Variants in ANKRD17 observed in about 807,000 individuals in gnomAD.
The protein encoded by ANKRD17 is ankyrin repeat domain 17, also known as ankyrin repeat domain-containing protein 17.
ANKRD17 carries 19 observed loss-of-function variants against 229.7 expected under a neutral mutation model. The ratio of observed to expected loss-of-function variants is 0.08; its 90% CI spans 0.06 to 0.12. ANKRD17 has a LOEUF of 0.12. ANKRD17 is among the 10% of genes least tolerant of loss of function. The probability of loss-of-function intolerance (pLI) is 1.00; values close to 1 mark genes in which losing one functional copy is unlikely to be tolerated. For synonymous variants in ANKRD17, 1,112 were observed against 1,146.1 expected, an observed-to-expected ratio of 0.97 and a Z score of 0.60; for missense variants, 2,176 against 3,176.8, an observed-to-expected ratio of 0.68 and a Z score of 7.57.
At chr4:73,129,257 A>G (rs1341553644) in intron 16 of ANKRD17, among the ~76,000 whole-genome samples, 2 of 152,204 alleles carry the variant, frequency 1.3e-5, no homozygotes, top group Non-Finnish European at 2.9e-5. Flanking sequence ...ATGATAAAAA[A>G]TATATTTAAT....
rs1045129750 is a variant in ANKRD17, at chr4:73,089,353, A to T, written c.6961+1314T>A. ...GCCAAGCCTATTCTTAAAAAAAAAA[A>T]TTTTTTTTTAAACATTTAAGAAATG... On this transcript the variant is annotated intron_variant, in intron 29 of 33. Transcript: ENST00000358602. Among the ~76,000 whole-genome samples the T allele has an allele frequency of 8.6e-5, 13 of 150,980 alleles. 1 individual carries two copies. Among genetic ancestry groups the T allele is most frequent in the Admixed American group, 2.0e-4 (3 of 15,186 alleles).
At chr4:73,145,135 C>T (rs180805055) in intron 10 of ANKRD17, among the ~76,000 whole-genome samples, 1 of 152,160 alleles carries the variant, frequency 6.6e-6, no homozygotes, top group East Asian at 1.9e-4. Context: ...GTAATTTGTC[C>T]TTCTCTCTAC....
intron 1 of ANKRD17, among the ~76,000 whole-genome samples, chr4:73,257,443 G>A (rs539009799): frequency 1.1e-4 from 17 of 152,262 alleles, no homozygotes; most frequent in African/African-American, 4.1e-4. Context: ...ACCACAACCA[G>A]GCCTGGCTCC....
chr4:73,149,206 T>C (rs1730671373), intron 7 of ANKRD17, among the ~76,000 whole-genome samples, 156 bp from the exon 8 acceptor site: 1 of 152,200 alleles, frequency 6.6e-6, no homozygotes, highest in African/African-American at 2.4e-5. Context: ...GTATTTATTA[T>C]GCACTGCCTA....
At chr4:73,179,468 G>A (rs552907326) in intron 1 of ANKRD17, among the ~76,000 whole-genome samples, 10 of 25,788 alleles carry the variant, frequency 3.9e-4, no homozygotes, top group Admixed American at 1.9e-3. Flanking sequence ...ATGTATATAT[G>A]TGTGTGTGTG....
At position 73,076,848 on chromosome 4, in the gene ANKRD17, C is replaced by T. The variant is rs1204127095; in HGVS notation, c.7752+92G>A. The T allele has an allele frequency of 2.1e-6, 3 of 1,421,700 alleles. No homozygotes were observed. The African/African-American group carries it at 4.3e-5, about 20-fold the overall frequency. 88.1% of individuals were successfully genotyped at this position (1,421,700 alleles called of 1,614,324 possible). On this transcript the variant is annotated intron_variant, in intron 33 of 33. Coordinates refer to ENST00000358602, the MANE Select transcript of ANKRD17 (RefSeq NM_032217.5). ...TCCTCAACTGCCCATATTCACCAAA[C>T]TCTCTTGCTATCATGAGTTACCTGA...
chr4:73,152,169 C>G (rs1731078502), intron 6 of ANKRD17, among the ~76,000 whole-genome samples: 1 of 151,962 alleles, frequency 6.6e-6, no homozygotes, highest in African/African-American at 2.4e-5. Flanking sequence ...ACTTCAGATC[C>G]TATGCAAAAA....
chr4:73,223,161 G>A, intron 1 of ANKRD17: 1 of 866,642 alleles, frequency 1.2e-6, no homozygotes, highest in Non-Finnish European at 1.7e-6. Context: ...CTGTTCACTA[G>A]CCAGGCATCT....
In ANKRD17 at chr4:73,252,594, G is replaced by T. The variant is rs557402000; in HGVS notation, c.393+5682C>A. Among the ~76,000 whole-genome samples, 83 of 152,194 alleles carry T rather than the reference G, an allele frequency of 5.5e-4. 1 individual carries two copies. The South Asian group carries it at 0.016, about 29-fold the overall frequency. On this transcript the variant is annotated intron_variant, in intron 1 of 33. Coordinates refer to ENST00000358602, the MANE Select transcript of ANKRD17 (RefSeq NM_032217.5). ...AAGGAAGAAAAATAAAGCCTTATAA[G>T]CACCTTCAACAAAATCTTTTGTTTA... is the stretch of plus-strand genomic sequence containing the variant.
At chr4:73,244,709 C>G (rs1002424758) in intron 1 of ANKRD17, among the ~76,000 whole-genome samples, 1 of 152,092 alleles carries the variant, frequency 6.6e-6, no homozygotes, top group Non-Finnish European at 1.5e-5. Context: ...CATCCTATAC[C>G]TTAACTAATA....
Position 73,258,661 on chromosome 4 carries a change from T to G in ANKRD17, c.8A>C (p.Lys3Thr), listed in dbSNP as rs938434560. 6.8e-7 allele frequency: 1 copy of G among 1,479,014 alleles called. No homozygotes were observed. 91.6% of individuals were successfully genotyped at this position (1,479,014 alleles called of 1,614,324 possible). ...CGCCGCCGCCACCGGAACCGTCGCC[T>G]TCTCCATCCCCAGGGAAAGAGGGAG... is the stretch of plus-strand genomic sequence containing the variant. ME[K>T]ATVPVAAATA... Residue 3 changes from lysine to threonine, a missense_variant, in exon 1 of 34, where the codon AAG (lysine) becomes ACG (threonine). By Grantham distance (78) the Lys-to-Thr change is moderately conservative (BLOSUM62 -1). This residue lies in a region of ANKRD17 where 196 missense variants were observed against 190.0 expected (regional missense o/e 1.03). Coordinates refer to ENST00000358602, the MANE Select transcript of ANKRD17 (RefSeq NM_032217.5).
intron 7 of ANKRD17, among the ~76,000 whole-genome samples, chr4:73,150,794 C>A (rs956227638): frequency 6.6e-6 from 1 of 152,162 alleles, no homozygotes; most frequent in Non-Finnish European, 1.5e-5. Flanking sequence ...CATAAATAAA[C>A]AAAGATACAA....
chr4:73,123,460 T>C (rs115171931), intron 18 of ANKRD17, among the ~76,000 whole-genome samples: 129 of 152,140 alleles, frequency 8.5e-4, no homozygotes, highest in Non-Finnish European at 1.4e-3. Flanking sequence ...AACAAAACAG[T>C]AGGGACAGGC....
rs1338467648 is a variant in ANKRD17 at position 73,146,698 on chromosome 4, C to T, written c.1869+66G>A. ...GGTAAAGAAATACCTTTTGTCTAGA[C>T]TCTCCATAATTTAAAATTAATTTCT... On this transcript the variant is annotated intron_variant, in intron 10 of 33. Coordinates refer to ENST00000358602, the MANE Select transcript of ANKRD17 (RefSeq NM_032217.5). 4.3e-6 allele frequency: 5 copies of T among 1,165,318 alleles called. No homozygotes were observed. The South Asian group carries it at 4.8e-5, about 11-fold the overall frequency. 72.2% of individuals were successfully genotyped at this position (1,165,318 alleles called of 1,614,324 possible).
chr4:73,196,023 T>G (rs1273393987), intron 1 of ANKRD17, among the ~76,000 whole-genome samples: 1 of 149,982 alleles, frequency 6.7e-6, no homozygotes, highest in African/African-American at 2.5e-5. Flanking sequence ...TTTTTTTTTT[T>G]TGAGATGGAG....
In ANKRD17 at chr4:73,121,043, C is replaced by A. The variant is rs748511758; in HGVS notation, c.3687G>T (p.Gly1229=). 10 of 1,613,660 alleles carry A rather than the reference C, an allele frequency of 6.2e-6. No homozygotes were observed. The highest frequency in any genetic ancestry group is 8.5e-6 in the Non-Finnish European group (10 of 1,179,856). The change falls in exon 20 of 34, where the codon GGG becomes GGT. Residue 1229 remains glycine, a synonymous_variant. Transcript: ENST00000358602. ...ACAGGAGCTTAACAGCAGCTGTATGCCCATTCATAGCTGCTAACATCAGAG... is the reference window on the plus strand; with the variant it reads ...ACAGGAGCTTAACAGCAGCTGTATGACCATTCATAGCTGCTAACATCAGAG... ...ISPLMLAAMN[G]HTAAVKLLLD...
intron 1 of ANKRD17, among the ~76,000 whole-genome samples, chr4:73,257,252 A>G (rs1481835431): frequency 6.6e-6 from 1 of 152,264 alleles, no homozygotes. Context: ...GCTAATAACT[A>G]GTAAAGCTAA....
At chr4:73,096,970 A>C in intron 27 of ANKRD17, 147 bp downstream of exon 27, 3 of 890,684 alleles carry the variant, frequency 3.4e-6, no homozygotes, top group Non-Finnish European at 5.0e-6. Flanking sequence ...AAAATATGGC[A>C]CAGGCTCTCT....
chr4:73,214,847 T>TAAAAAAAAAAAA (rs766995925), intron 1 of ANKRD17, among the ~76,000 whole-genome samples: 1 of 85,596 alleles, frequency 1.2e-5, no homozygotes, highest in African/African-American at 4.4e-5. Context: ...TCGTCTCTAT[T>TAAAAAAAAAAAA]AAAAAAAAAA....
Sources: allele counts gnomAD v4.1 joint callset (sites outside exome capture counted in the v4.1 genomes callset), GRCh38; gene constraint gnomAD v4.1.1; regional missense constraint gnomAD v4.1.1; transcripts MANE v1.5; gene names NCBI Gene and HGNC (gene_info 2026-07-23, HGNC 2026-07-21).